BUB1: variants seen among roughly 807,000 people sequenced by gnomAD.
BUB1 encodes BUB1 mitotic checkpoint serine/threonine kinase.
Under a neutral mutation model 135.2 loss-of-function variants are expected in BUB1, and 84 were observed. That is an observed-to-expected ratio of 0.62 (90% CI 0.52 to 0.74). The LOEUF is 0.74. BUB1 is among the 30% of genes least tolerant of loss of function. The pLI is 0.00. For synonymous variants in BUB1, 403 were observed against 434.4 expected, an observed-to-expected ratio of 0.93 and a Z score of 0.90; for missense variants, 1,162 against 1,288.3, an observed-to-expected ratio of 0.90 and a Z score of 1.50.
chr2:110,670,618 A>G (rs371876656), intron 4 of BUB1, 50 bp from the exon 5 acceptor site: 5 of 1,578,312 alleles, frequency 3.2e-6, no homozygotes, highest in Non-Finnish European at 4.4e-6. Flanking sequence ...CTTACAGTAC[A>G]TAGCTGTTAG....
intron 10 of BUB1, 45 bp from the exon 11 acceptor site, chr2:110,660,081 G>C: frequency 6.5e-7 from 1 of 1,539,044 alleles, no homozygotes; most frequent in South Asian, 1.1e-5. Flanking sequence ...TAAAATGCTT[G>C]ATCTAGGCTG....
rs1331588706 is a variant in BUB1 at position 110,638,178 on chromosome 2, A to C, written c.3063-19T>G. 2.6e-6 allele frequency: 4 copies of C among 1,564,524 alleles called. No individual in the cohort carries two copies. The East Asian group carries it at 6.8e-5, about 27-fold the overall frequency. On this transcript the variant is annotated intron_variant, in intron 24 of 24. Coordinates refer to ENST00000302759, the MANE Select transcript of BUB1 (RefSeq NM_004336.5). ...AGGAAGCCTGAAAAAGACAAAGCAT[A>C]AATAATGGCTAAAATGTAGCCTTCA...
At chr2:110,644,057 G>GAAAA (rs1344866801) in intron 19 of BUB1, among the ~76,000 whole-genome samples, 1 of 14,864 alleles carries the variant, frequency 6.7e-5, no homozygotes, top group Non-Finnish European at 1.3e-4. Context: ...AAACTGAAAT[G>GAAAA]CAAAAAAAAA....
At chr2:110,673,622 C>G (rs1198856497) in intron 3 of BUB1, among the ~76,000 whole-genome samples, 2 of 151,956 alleles carry the variant, frequency 1.3e-5, no homozygotes, top group East Asian at 3.9e-4. Context: ...GGGACAGAGT[C>G]TCACTCTGTC....
At chr2:110,677,194 C>T (rs1265650623) in intron 1 of BUB1, among the ~76,000 whole-genome samples, 2 of 152,254 alleles carry the variant, frequency 1.3e-5, no homozygotes, top group East Asian at 3.9e-4. Flanking sequence ...GGGCGGGGGA[C>T]TTCTGAAAGA....
At chr2:110,666,442 T>C (rs757987070) in intron 8 of BUB1, 28 bp from the exon 9 acceptor site, 114 of 1,328,984 alleles carry the variant, frequency 8.6e-5, no homozygotes, top group Non-Finnish European at 1.1e-4. Context: ...ATGGTTTGCA[T>C]GCAAAATTTA....
Position 110,657,095 on chromosome 2 carries a change from GTTTATTTTTAGGC to G in BUB1, c.1626_1638del (p.Gln542HisfsTer77). 1 of 1,612,864 alleles carries G rather than the reference GTTTATTTTTAGGC, an allele frequency of 6.2e-7. No homozygotes were observed. Among genetic ancestry groups the G allele is most frequent in the South Asian group, 1.1e-5 (1 of 90,832 alleles). ...TCTCCAAAGGTCCTGGCTCCTGTGG[GTTTATTTTTAGGC>G]TGTGGTAATCTAAGGAAAGATTTGC... On this transcript the variant is annotated frameshift_variant, in exon 15 of 25. Transcript: ENST00000302759. LOFTEE classifies it high-confidence loss of function.
intron 24 of BUB1, among the ~76,000 whole-genome samples, chr2:110,639,486 C>T (rs184450488): frequency 2.0e-5 from 3 of 151,914 alleles, no homozygotes; most frequent in Admixed American, 2.0e-4. Flanking sequence ...GAAACATTTG[C>T]GTGTGTACAG....
chr2:110,649,426 T>C lies in BUB1; in HGVS notation c.2204-49A>G, dbSNP rs758710865. The C allele has an allele frequency of 2.0e-6, 3 of 1,480,404 alleles. No homozygotes were observed. The African/African-American group carries it at 4.3e-5, about 21-fold the overall frequency. 91.7% of individuals were successfully genotyped at this position (1,480,404 alleles called of 1,614,324 possible). ...AAAAAAGGGAACATGAATTGAGTAC[T>C]CAAGAACTTTACCAAATAAATTATA... On this transcript the variant is annotated intron_variant, in intron 18 of 24. Coordinates refer to ENST00000302759, the MANE Select transcript of BUB1 (RefSeq NM_004336.5).
At chr2:110,671,447 T>G (rs977793871) in intron 4 of BUB1, among the ~76,000 whole-genome samples, 1 of 152,170 alleles carries the variant, frequency 6.6e-6, no homozygotes, top group African/African-American at 2.4e-5. Flanking sequence ...TATGTGTGTT[T>G]GAAAAATCTC....
chr2:110,650,265 T>C (rs1689749687), intron 18 of BUB1, among the ~76,000 whole-genome samples: 1 of 152,046 alleles, frequency 6.6e-6, no homozygotes. Flanking sequence ...ATGTAAAATA[T>C]AATAGTATTA....
chr2:110,653,637 T>G, intron 16 of BUB1, 114 bp from the exon 17 acceptor site: 1 of 820,468 alleles, frequency 1.2e-6, no homozygotes, highest in Non-Finnish European at 2.0e-6. Context: ...ACTTGCATTA[T>G]GATTTCAAAA....
At chr2:110,645,911 T>C (rs1689633736) in intron 19 of BUB1, among the ~76,000 whole-genome samples, 1 of 151,972 alleles carries the variant, frequency 6.6e-6, no homozygotes, top group African/African-American at 2.4e-5. Context: ...GAAGACATAA[T>C]GTGTATAAGC....
chr2:110,658,345 C>T (rs1689987712), intron 13 of BUB1, 65 bp downstream of exon 13: 1 of 1,333,320 alleles, frequency 7.5e-7, no homozygotes, highest in South Asian at 1.4e-5. Context: ...TTAAATAATT[C>T]TTGATATTTT....
At chr2:110,658,832 C>T (rs1434677909) in intron 11 of BUB1, 90 bp from the exon 12 acceptor site, 1 of 1,498,938 alleles carries the variant, frequency 6.7e-7, no homozygotes, top group Non-Finnish European at 9.1e-7. Flanking sequence ...ACAATTAAAA[C>T]AGTTTGTCAT....
intron 1 of BUB1, among the ~76,000 whole-genome samples, chr2:110,675,806 C>T (rs1375551225): frequency 6.6e-6 from 1 of 152,112 alleles, no homozygotes; most frequent in East Asian, 1.9e-4. Context: ...CACATGCCAC[C>T]ATGTCTGGCT....
Position 110,658,661 on chromosome 2 carries a change from G to A in BUB1, c.1358C>T (p.Pro453Leu), listed in dbSNP as rs758169357. The A allele has an allele frequency of 1.9e-6, 3 of 1,614,180 alleles. No individual in the cohort carries two copies. Among genetic ancestry groups the A allele is most frequent in the Non-Finnish European group, 2.5e-6 (3 of 1,180,024 alleles). ...NTSLGMVQAT[P>L]SKVQPSPTVH... ...GGTGGGTGATGGCTGCACTTTGGAT[G>A]GCGTTGCCTGAACCATTCCCAGTGA... The change falls in exon 12 of 25, where the codon CCA becomes CTA. Residue 453 changes from proline (P) to leucine (L), a missense_variant. Transcript: ENST00000302759.
chr2:110,667,486 CATAAGA>C, intron 8 of BUB1, 29 bp downstream of exon 8: 2 of 1,567,166 alleles, frequency 1.3e-6, no homozygotes, highest in Non-Finnish European at 1.7e-6. Context: ...TTTTATGTGA[CATAAGA>C]ATAACTAAAA....
intron 4 of BUB1, among the ~76,000 whole-genome samples, chr2:110,670,911 A>G (rs1690401973): frequency 6.6e-6 from 1 of 152,210 alleles, no homozygotes. Context: ...TTCTTTATAC[A>G]TTTGGAACAT....
Sources: gnomAD v4.1 joint callset for allele counts (sites outside exome capture counted in the v4.1 genomes callset) on GRCh38, gnomAD v4.1.1 for gene constraint, MANE v1.5 for transcripts, NCBI Gene and HGNC (gene_info 2026-07-23, HGNC 2026-07-21) for gene names.